Variants in ZNF407 observed in about 807,000 individuals in gnomAD.
ZNF407 encodes the protein zinc finger protein 407.
ZNF407 carries 17 observed loss-of-function variants against 131.2 expected under a neutral mutation model. The ratio of observed to expected loss-of-function variants is 0.13; its 90% CI spans 0.09 to 0.19. The LOEUF (loss-of-function observed/expected upper bound fraction) is 0.19. Among genes scored for constraint, ZNF407 ranks in the 10% least tolerant of loss-of-function variants. The pLI is 1.00. For synonymous variants in ZNF407, 1,156 were observed against 1,062.0 expected, an observed-to-expected ratio of 1.09 and a Z score of -1.72; for missense variants, 2,681 against 2,830.6, an observed-to-expected ratio of 0.95 and a Z score of 1.20.
At chr18:74,945,163 C>T (rs1972141317) in intron 8 of ZNF407, among the ~76,000 whole-genome samples, 2 of 152,064 alleles carry the variant, frequency 1.3e-5, no homozygotes, top group South Asian at 4.2e-4. Flanking sequence ...ATCTTTAAGA[C>T]CCTGGACTTG....
At chr18:74,738,776 GAATTCTGTAAAAC>G (rs1427428628) in intron 3 of ZNF407, among the ~76,000 whole-genome samples, 1 of 152,134 alleles carries the variant, frequency 6.6e-6, no homozygotes. Context: ...AATTCTCTAT[GAATTCTGTAAAAC>G]AGTACAGAGT....
chr18:75,025,119 A>G (rs1349162734), intron 8 of ZNF407, among the ~76,000 whole-genome samples: 3 of 152,204 alleles, frequency 2.0e-5, no homozygotes, highest in African/African-American at 4.8e-5. Flanking sequence ...TTGCTTGACA[A>G]AAAGCTAAAA....
At chr18:74,791,750 C>T (rs895547201) in intron 4 of ZNF407, among the ~76,000 whole-genome samples, 1 of 152,108 alleles carries the variant, frequency 6.6e-6, no homozygotes, top group African/African-American at 2.4e-5. Flanking sequence ...ATTTTGCCTT[C>T]CTTTTAAAAA....
intron 4 of ZNF407, among the ~76,000 whole-genome samples, chr18:74,839,657 C>T (rs1970604965): frequency 6.6e-6 from 1 of 152,166 alleles, no homozygotes; most frequent in African/African-American, 2.4e-5. Context: ...CTAAATGTAA[C>T]TGACAAGAAT....
Position 74,983,283 on chromosome 18 carries a change from G to C in ZNF407, c.5428+62591G>C, listed in dbSNP as rs560987920. ...TAGAGGTCCCTTTTCCTGCCATTGT[G>C]TTCTCACTTGGGGGTATGGCCCCAT... is the stretch of plus-strand genomic sequence containing the variant. On this transcript the variant is annotated intron_variant, in intron 8 of 8. Coordinates refer to ENST00000299687, the MANE Select transcript of ZNF407 (RefSeq NM_017757.3). 3.3e-5 allele frequency among the ~76,000 whole-genome samples: 5 copies of C among 152,162 alleles called. No homozygotes were observed. The South Asian group carries it at 1.0e-3, about 32-fold the overall frequency.
chr18:74,602,613 A>G (rs1982630671), intron 1 of ZNF407, among the ~76,000 whole-genome samples: 1 of 152,158 alleles, frequency 6.6e-6, no homozygotes, highest in Non-Finnish European at 1.5e-5. Context: ...TATATACTAC[A>G]TTTTATTGAT....
intron 3 of ZNF407, among the ~76,000 whole-genome samples, chr18:74,650,770 GA>G (rs915834034): frequency 6.6e-6 from 1 of 152,100 alleles, no homozygotes. Flanking sequence ...TTAAGGTGTA[GA>G]AAAAAATTTA....
chr18:74,959,873 T>C (rs561594384), intron 8 of ZNF407, among the ~76,000 whole-genome samples: 1 of 152,350 alleles, frequency 6.6e-6, no homozygotes, highest in South Asian at 2.1e-4. Flanking sequence ...TGACCCTAAA[T>C]AGTCATCCTA....
intron 3 of ZNF407, among the ~76,000 whole-genome samples, chr18:74,711,114 G>A (rs1293244018): frequency 2.2e-4 from 33 of 151,888 alleles, no homozygotes; most frequent in Non-Finnish European, 2.6e-4. Flanking sequence ...TGCTATTAAT[G>A]GGAGTGGGCT....
At chr18:75,033,045 C>A (rs1207672986) in intron 8 of ZNF407, among the ~76,000 whole-genome samples, 6 of 115,222 alleles carry the variant, frequency 5.2e-5, no homozygotes, top group Admixed American at 1.2e-4. Context: ...TAAGACTGCT[C>A]GGAATGGGGG....
chr18:75,026,267 A>G (rs1047341728), intron 8 of ZNF407, among the ~76,000 whole-genome samples: 1 of 152,260 alleles, frequency 6.6e-6, no homozygotes. Context: ...AAGCATTACT[A>G]GTACTCATAG....
intron 8 of ZNF407, among the ~76,000 whole-genome samples, chr18:75,040,914 G>GT (rs1288098859): frequency 3.3e-5 from 5 of 152,182 alleles, no homozygotes; most frequent in Non-Finnish European, 4.4e-5. Context: ...GGCCAGCACT[G>GT]TTACTAATGC....
intron 3 of ZNF407, among the ~76,000 whole-genome samples, chr18:74,698,450 G>A (rs967720803): frequency 9.9e-5 from 15 of 152,166 alleles, no homozygotes; most frequent in Non-Finnish European, 2.9e-5. Flanking sequence ...GTCCTTCTGA[G>A]CTGGTTATAT....
At chr18:74,954,457 G>A (rs1972253366) in intron 8 of ZNF407, among the ~76,000 whole-genome samples, 2 of 152,064 alleles carry the variant, frequency 1.3e-5, no homozygotes, top group Admixed American at 6.6e-5. Flanking sequence ...AAAATGTTGG[G>A]CAAAGGAGAA....
At chr18:74,832,857 T>C (rs1970504283) in intron 4 of ZNF407, among the ~76,000 whole-genome samples, 1 of 152,248 alleles carries the variant, frequency 6.6e-6, no homozygotes, top group Non-Finnish European at 1.5e-5. Flanking sequence ...AAGTAACATC[T>C]TAAAATTTGC....
chr18:74,789,982 C>T (rs959378437), intron 4 of ZNF407, among the ~76,000 whole-genome samples: 1 of 151,974 alleles, frequency 6.6e-6, no homozygotes, highest in Non-Finnish European at 1.5e-5. Flanking sequence ...GATGCCCTGG[C>T]CACTGTCTTC....
intron 8 of ZNF407, among the ~76,000 whole-genome samples, chr18:74,936,428 G>A (rs1418826672): frequency 2.0e-5 from 3 of 152,154 alleles, no homozygotes; most frequent in East Asian, 3.9e-4. Context: ...TTATGCAGAC[G>A]TTTTATCTGA....
chr18:74,916,871 G>T (rs949965597), intron 7 of ZNF407, among the ~76,000 whole-genome samples: 13 of 152,222 alleles, frequency 8.5e-5, no homozygotes, highest in African/African-American at 2.4e-4. Flanking sequence ...AGCAGCATGT[G>T]ATAATTAGCA....
rs915077906 is a variant in ZNF407 at position 75,065,657 on chromosome 18, A to G, written c.*1189A>G. ...TTTCTGTTTTCTTTGAAATAAAATT[A>G]TAACGTTAAAAGATCACGATGGCAT... On this transcript the variant is annotated 3_prime_UTR_variant, in exon 9 of 9. Transcript: ENST00000299687. 6 of 152,260 alleles carry G rather than the reference A, an allele frequency of 3.9e-5. No homozygotes were observed. Among genetic ancestry groups the G allele is most frequent in the African/African-American group, 1.4e-4 (6 of 41,474 alleles). 9.4% of individuals were successfully genotyped at this position (152,260 alleles called of 1,614,324 possible). A position where few individuals can be genotyped will look rare whatever the true frequency, so the allele number is the denominator to read the frequency against.
Sources: allele counts gnomAD v4.1 joint callset (sites outside exome capture counted in the v4.1 genomes callset), GRCh38; gene constraint gnomAD v4.1.1; transcripts MANE v1.5; gene names NCBI Gene and HGNC (gene_info 2026-07-23, HGNC 2026-07-21).